Variants in TBC1D22A observed in about 807,000 individuals in gnomAD.
TBC1D22A encodes putative GTPase activator.
In TBC1D22A, 38 loss-of-function variants were observed where a neutral mutation model predicts 60.2. The observed-to-expected ratio is 0.63, with a 90% CI of 0.49 to 0.83. The LOEUF (loss-of-function observed/expected upper bound fraction) is 0.83. TBC1D22A is among the 40% of genes least tolerant of loss of function. TBC1D22A has a pLI of 0.00. For missense variants in TBC1D22A, 628 were observed against 701.0 expected, an observed-to-expected ratio of 0.90 and a Z score of 1.18; for synonymous variants, 302 against 281.7, an observed-to-expected ratio of 1.07 and a Z score of -0.72.
At chr22:46,879,780 C>G (rs2067758534) in intron 5 of TBC1D22A, among the ~76,000 whole-genome samples, 1 of 152,182 alleles carries the variant, frequency 6.6e-6, no homozygotes, top group Non-Finnish European at 1.5e-5. Context: ...TTGCCGTTTT[C>G]TATTTATTAA....
chr22:46,805,703 A>G (rs1222594123), intron 4 of TBC1D22A, among the ~76,000 whole-genome samples: 2 of 152,206 alleles, frequency 1.3e-5, no homozygotes, highest in East Asian at 3.9e-4. Context: ...TTCTGGAAAC[A>G]GAGAGGTGGG....
At chr22:46,968,991 C>T (rs969124581) in intron 8 of TBC1D22A, among the ~76,000 whole-genome samples, 5 of 152,158 alleles carry the variant, frequency 3.3e-5, no homozygotes, top group South Asian at 2.1e-4. Context: ...TCAGGCTGGA[C>T]GTGGTGACTG....
At chr22:46,959,477 C>G (rs1489025416) in intron 8 of TBC1D22A, among the ~76,000 whole-genome samples, 1 of 152,202 alleles carries the variant, frequency 6.6e-6, no homozygotes, top group Non-Finnish European at 1.5e-5. Context: ...GGCCCTCTGC[C>G]TCTGTGCTGT....
intron 6 of TBC1D22A, among the ~76,000 whole-genome samples, chr22:46,893,300 T>C (rs1480280473): frequency 6.6e-6 from 1 of 152,228 alleles, no homozygotes; most frequent in South Asian, 2.1e-4. Context: ...GTCAGCTCTC[T>C]TGTGGCCTTT....
intron 12 of TBC1D22A, among the ~76,000 whole-genome samples, chr22:47,168,562 C>T (rs941169706): frequency 2.0e-5 from 3 of 152,162 alleles, no homozygotes; most frequent in African/African-American, 4.8e-5. Flanking sequence ...GCCCAGCACT[C>T]CCGCATCTAA....
intron 4 of TBC1D22A, among the ~76,000 whole-genome samples, chr22:46,803,181 C>A (rs893816038): frequency 7.2e-5 from 11 of 152,158 alleles, no homozygotes; most frequent in African/African-American, 2.7e-4. Context: ...CACCCCCACC[C>A]CCTTCCTGCG....
chr22:46,858,864 C>G (rs2087714360), intron 4 of TBC1D22A, among the ~76,000 whole-genome samples: 1 of 152,212 alleles, frequency 6.6e-6, no homozygotes, highest in African/African-American at 2.4e-5. Flanking sequence ...TAAAAGAATT[C>G]TATGTGTGTT....
At chr22:47,087,419 T>C (rs1284847673) in intron 11 of TBC1D22A, among the ~76,000 whole-genome samples, 1 of 152,102 alleles carries the variant, frequency 6.6e-6, no homozygotes, top group Non-Finnish European at 1.5e-5. Context: ...AAGAACAAAA[T>C]CAAATGAAAA....
chr22:46,935,183 T>TA lies in TBC1D22A; in HGVS notation c.1015+22996dup, dbSNP rs2071574358. ...GGCCTTAAGAAGGTACAAGTAATAT[T>TA]ACCTCTGATGTCAGCCAAGCAGAGT... is the stretch of plus-strand genomic sequence containing the variant. On this transcript the variant is annotated intron_variant, in intron 8 of 12. Coordinates refer to ENST00000337137, the MANE Select transcript of TBC1D22A (RefSeq NM_014346.5). 2.0e-5 allele frequency among the ~76,000 whole-genome samples: 3 copies of TA among 152,148 alleles called. No individual in the cohort carries two copies. The South Asian group carries it at 6.2e-4, about 32-fold the overall frequency.
chr22:46,916,693 C>T (rs1213827360), intron 8 of TBC1D22A, among the ~76,000 whole-genome samples: 1 of 152,196 alleles, frequency 6.6e-6, no homozygotes, highest in African/African-American at 2.4e-5. Context: ...CGCTCAGGCC[C>T]TGGAGGTGCC....
intron 4 of TBC1D22A, among the ~76,000 whole-genome samples, chr22:46,825,564 C>T (rs937232160): frequency 6.6e-6 from 1 of 152,214 alleles, no homozygotes; most frequent in Non-Finnish European, 1.5e-5. Flanking sequence ...AACGCTGCCT[C>T]CCAGGTTCAA....
chr22:46,875,627 T>C lies in TBC1D22A; in HGVS notation c.638-3026T>C, dbSNP rs554311109. Among the ~76,000 whole-genome samples, 4 of 152,204 alleles carry C rather than the reference T, an allele frequency of 2.6e-5. No homozygotes were observed. The South Asian group carries it at 8.3e-4, about 32-fold the overall frequency. On this transcript the variant is annotated intron_variant, in intron 4 of 12. Coordinates refer to ENST00000337137, the MANE Select transcript of TBC1D22A (RefSeq NM_014346.5). Reference sequence around the variant, plus strand: ...CCATGATGCTTGGCTAATTTTTGTATTTTTAGTAGAGATGGGGTTTCACCA... The same window carrying C: ...CCATGATGCTTGGCTAATTTTTGTACTTTTAGTAGAGATGGGGTTTCACCA...
At chr22:47,022,442 A>C (rs1383199131) in intron 10 of TBC1D22A, among the ~76,000 whole-genome samples, 4 of 152,118 alleles carry the variant, frequency 2.6e-5, no homozygotes, top group Non-Finnish European at 1.5e-5. Context: ...GTTTAGACAG[A>C]ACAGGGAGTC....
At chr22:46,851,807 A>AGTG (rs1175873939) in intron 4 of TBC1D22A, among the ~76,000 whole-genome samples, 3 of 152,264 alleles carry the variant, frequency 2.0e-5, no homozygotes, top group Admixed American at 6.5e-5. Context: ...TACACGGCTC[A>AGTG]GCATACAGTG....
chr22:47,018,517 C>G (rs2061977336), intron 10 of TBC1D22A, among the ~76,000 whole-genome samples: 1 of 152,154 alleles, frequency 6.6e-6, no homozygotes, highest in South Asian at 2.1e-4. Context: ...TGGAACCAGT[C>G]CGTCTGTCCG....
intron 11 of TBC1D22A, among the ~76,000 whole-genome samples, chr22:47,051,686 G>A (rs566883212): frequency 3.9e-4 from 59 of 152,304 alleles, no homozygotes; most frequent in African/African-American, 1.4e-3. Context: ...AGCCCTGGCC[G>A]CTTGCCTGGG....
chr22:47,076,341 GTATATATATATATGTGTGTGTATATA>G (rs2064211311), intron 11 of TBC1D22A, among the ~76,000 whole-genome samples: 1 of 116,148 alleles, frequency 8.6e-6, no homozygotes, highest in Non-Finnish European at 1.8e-5. Context: ...GTGTGTGTGT[GTATATATATATATGTGTGTGTATATA>G]TATATATATA....
intron 7 of TBC1D22A, among the ~76,000 whole-genome samples, chr22:46,908,241 C>T (rs1329900125): frequency 1.3e-5 from 2 of 152,048 alleles, no homozygotes; most frequent in East Asian, 3.9e-4. Flanking sequence ...GCAGTGGAGT[C>T]GGGGGAAGGG....
chr22:47,012,277 G>C (rs569164595), intron 10 of TBC1D22A, among the ~76,000 whole-genome samples: 2 of 152,314 alleles, frequency 1.3e-5, no homozygotes, highest in African/African-American at 4.8e-5. Flanking sequence ...GCAAAAGTCT[G>C]AACAGAAGAT....
Sources: allele counts gnomAD v4.1 joint callset (sites outside exome capture counted in the v4.1 genomes callset), GRCh38; gene constraint gnomAD v4.1.1; transcripts MANE v1.5; gene names NCBI Gene and HGNC (gene_info 2026-07-23, HGNC 2026-07-21).